PRR16: variants seen among roughly 807,000 people sequenced by gnomAD.
PRR16 encodes the protein protein Largen.
In PRR16, 6 loss-of-function variants were observed where a neutral mutation model predicts 18.2. That is an observed-to-expected ratio of 0.33 (90% confidence interval 0.18 to 0.65). PRR16 has a LOEUF of 0.65. Ranked by LOEUF, PRR16 falls within the 30% of genes least tolerant of loss-of-function variation. The pLI, the probability that PRR16 is intolerant of heterozygous loss-of-function variation, is 0.74. For missense variants in PRR16, 412 were observed against 376.6 expected, an observed-to-expected ratio of 1.09 and a Z score of -0.78; for synonymous variants, 151 against 147.8, an observed-to-expected ratio of 1.02 and a Z score of -0.16.
intron 1 of PRR16, among the ~76,000 whole-genome samples, chr5:120,580,319 G>C (rs1647848239): frequency 6.6e-6 from 1 of 152,120 alleles, no homozygotes; most frequent in Non-Finnish European, 1.5e-5. Context: ...AGTTTTCAAA[G>C]GGAATGCTTC....
intron 1 of PRR16, among the ~76,000 whole-genome samples, chr5:120,499,108 A>G (rs1750358816): frequency 6.8e-6 from 1 of 146,038 alleles, no homozygotes. Context: ...TTTTTTTTTA[A>G]TCACTTTTTT....
the PRR16 span, among the ~76,000 whole-genome samples, chr5:120,699,376 A>G: frequency 6.6e-6 from 1 of 152,100 alleles, no homozygotes; most frequent in African/African-American, 2.4e-5. Flanking sequence ...AACAGGAAAG[A>G]AGGAAATTTG....
chr5:120,664,900 A>G (rs1362491251), intron 1 of PRR16, among the ~76,000 whole-genome samples: 1 of 151,852 alleles, frequency 6.6e-6, no homozygotes, highest in African/African-American at 2.4e-5. Flanking sequence ...TATTGTGAAT[A>G]GTGCCGCAAT....
chr5:120,512,103 C>T (rs1750845495), intron 1 of PRR16, among the ~76,000 whole-genome samples: 1 of 84,194 alleles, frequency 1.2e-5, no homozygotes, highest in Non-Finnish European at 2.4e-5. Flanking sequence ...TTCCCTACCA[C>T]AGCGCTGCTG....
intron 1 of PRR16, among the ~76,000 whole-genome samples, chr5:120,532,696 C>A (rs1751589006): frequency 1.3e-5 from 2 of 151,662 alleles, no homozygotes; most frequent in African/African-American, 4.8e-5. Flanking sequence ...AGAATATTAA[C>A]TTTATTTTTT....
At chr5:120,536,864 A>G (rs1283362072) in intron 1 of PRR16, among the ~76,000 whole-genome samples, 2 of 152,244 alleles carry the variant, frequency 1.3e-5, no homozygotes, top group East Asian at 3.8e-4. Context: ...ATGCAACCAT[A>G]AAAAAGAACA....
At chr5:120,700,835 G>A in the PRR16 span, among the ~76,000 whole-genome samples, 114 of 152,272 alleles carry the variant, frequency 7.5e-4, no homozygotes, top group African/African-American at 2.6e-3. Flanking sequence ...CTTCCGAGGC[G>A]ATCGGGCAGT....
chr5:120,786,789 T>C, the PRR16 span, among the ~76,000 whole-genome samples: 12 of 152,180 alleles, frequency 7.9e-5, no homozygotes, highest in African/African-American at 2.9e-4. Context: ...TGCATAGAAA[T>C]GTTCTCAGTC....
chr5:120,747,032 C>T, the PRR16 span, among the ~76,000 whole-genome samples: 2 of 152,166 alleles, frequency 1.3e-5, no homozygotes, highest in Non-Finnish European at 2.9e-5. Context: ...AAGTAATTTA[C>T]TTCATCAGAG....
the PRR16 span, among the ~76,000 whole-genome samples, chr5:120,713,150 TAAA>T: frequency 5.9e-5 from 9 of 152,124 alleles, no homozygotes; most frequent in Admixed American, 3.3e-4. Context: ...TATTTAACCT[TAAA>T]AAAGAAGAAA....
At chr5:120,512,123 A>T (rs1368562669) in intron 1 of PRR16, among the ~76,000 whole-genome samples, 6 of 80,692 alleles carry the variant, frequency 7.4e-5, no homozygotes, top group Non-Finnish European at 1.5e-4. Context: ...GAATTTCAGC[A>T]GTGCCCTAGA....
At chr5:120,651,283 G>GT (rs774892982) in intron 1 of PRR16, among the ~76,000 whole-genome samples, 1 of 152,164 alleles carries the variant, frequency 6.6e-6, no homozygotes, top group Non-Finnish European at 1.5e-5. Context: ...TAGGTTGCCT[G>GT]TTCACTCTGA....
At chr5:120,772,211 G>A in the PRR16 span, among the ~76,000 whole-genome samples, 2 of 152,004 alleles carry the variant, frequency 1.3e-5, no homozygotes, top group Non-Finnish European at 2.9e-5. Context: ...TGCAAGCCCT[G>A]TTTTCTTCCT....
At chr5:120,754,578 T>TTA in the PRR16 span, among the ~76,000 whole-genome samples, 2 of 107,046 alleles carry the variant, frequency 1.9e-5, no homozygotes, top group African/African-American at 3.7e-5. Context: ...ATATTTATAT[T>TTA]TTATATATTA....
intron 1 of PRR16, among the ~76,000 whole-genome samples, chr5:120,504,459 A>G (rs891404310): frequency 6.6e-6 from 1 of 152,178 alleles, no homozygotes; most frequent in African/African-American, 2.4e-5. Context: ...ATATATCTAA[A>G]GTCTTTTTCA....
the PRR16 span, among the ~76,000 whole-genome samples, chr5:120,695,413 C>T: frequency 6.6e-6 from 1 of 152,146 alleles, no homozygotes; most frequent in African/African-American, 2.4e-5. Context: ...CAATCTCTCT[C>T]ATTTTTTTAA....
the PRR16 span, among the ~76,000 whole-genome samples, chr5:120,719,303 G>T: frequency 7.9e-5 from 12 of 152,118 alleles, no homozygotes; most frequent in East Asian, 2.3e-3. Flanking sequence ...GTTACAGATA[G>T]ATGTGATGGC....
At chr5:120,747,795 G>C in the PRR16 span, among the ~76,000 whole-genome samples, 287 of 151,988 alleles carry the variant, frequency 1.9e-3, 3 homozygotes, top group South Asian at 0.013. Flanking sequence ...AGGAAAGAAA[G>C]AAAGTCATTT....
chr5:120,505,381 G>T (rs1348753983), intron 1 of PRR16, among the ~76,000 whole-genome samples: 2 of 152,284 alleles, frequency 1.3e-5, no homozygotes, highest in African/African-American at 2.4e-5. Flanking sequence ...TTGCTTAAAA[G>T]GTATTGAATG....
Sources: allele counts gnomAD v4.1 joint callset (sites outside exome capture counted in the v4.1 genomes callset), GRCh38; gene constraint gnomAD v4.1.1; transcripts MANE v1.5; gene names NCBI Gene and HGNC (gene_info 2026-07-23, HGNC 2026-07-21).